The following NNT variants were observed in gnomAD, a reference collection of about 807,000 sequenced individuals.
NNT encodes the protein NAD(P) transhydrogenase, mitochondrial.
In NNT, 50 loss-of-function variants were observed where a neutral mutation model predicts 104.8. The ratio of observed to expected loss-of-function variants is 0.48; its 90% confidence interval spans 0.38 to 0.60. The LOEUF (loss-of-function observed/expected upper bound fraction) is 0.60. NNT is among the 20% of genes least tolerant of loss of function. NNT has a pLI of 0.00. For missense variants in NNT, 1,131 were observed against 1,330.7 expected, an observed-to-expected ratio of 0.85 and a Z score of 2.33; for synonymous variants, 461 against 490.4, an observed-to-expected ratio of 0.94 and a Z score of 0.79.
chr5:43,703,690 T>G (rs961999272), intron 21 of NNT, among the ~76,000 whole-genome samples: 1 of 152,184 alleles, frequency 6.6e-6, no homozygotes, highest in Non-Finnish European at 1.5e-5. Flanking sequence ...ATATCAATAT[T>G]ATAGATTGAC....
At chr5:43,651,531 T>C (rs1245352559) in intron 12 of NNT, among the ~76,000 whole-genome samples, 4 of 151,902 alleles carry the variant, frequency 2.6e-5, no homozygotes, top group African/African-American at 9.7e-5. Context: ...TGAGCCAAGA[T>C]CGTGTCACTG....
At chr5:43,654,944 C>G (rs1254988490) in intron 14 of NNT, among the ~76,000 whole-genome samples, 3 of 152,142 alleles carry the variant, frequency 2.0e-5, no homozygotes, top group African/African-American at 7.2e-5. Flanking sequence ...TAGACATGAT[C>G]TTAGCAAATA....
rs376950823 is a variant in NNT at position 43,677,818 on chromosome 5, CA to C, written c.2876+13del. 2.1e-5 allele frequency: 34 copies of C among 1,601,230 alleles called. No individual in the cohort carries two copies. The highest frequency in any genetic ancestry group is 1.9e-4 in the African/African-American group (14 of 74,712). On this transcript the variant is annotated intron_variant, in intron 19 of 21. Coordinates refer to ENST00000344920, the MANE Select transcript of NNT (RefSeq NM_182977.3). Reference sequence around the variant, plus strand: ...GGCAAAAAAGTCAGGTAAGCGTTTGCAGTGGAGAGGCTTGCACTATGTGTAA... The same window carrying C: ...GGCAAAAAAGTCAGGTAAGCGTTTGCGTGGAGAGGCTTGCACTATGTGTAA...
At chr5:43,626,693 G>T (rs929029822) in intron 6 of NNT, among the ~76,000 whole-genome samples, 3 of 151,388 alleles carry the variant, frequency 2.0e-5, no homozygotes, top group Non-Finnish European at 4.4e-5. Context: ...CTATCAGCCA[G>T]ATATAATTGC....
Position 43,677,756 on chromosome 5 carries a change from C to T in NNT, c.2826C>T (p.Tyr942=), listed in dbSNP as rs752453218. The T allele has an allele frequency of 7.4e-6, 12 of 1,613,540 alleles. No homozygotes were observed. In the East Asian group the frequency reaches 2.7e-4, roughly 36 times the overall value. The change falls in exon 19 of 22, where the codon TAC becomes TAT. Residue 942 remains tyrosine, a synonymous_variant. Coordinates refer to ENST00000344920, the MANE Select transcript of NNT (RefSeq NM_182977.3). ...GTCTCTGTGCAGCCAAAGCTCAATA[C>T]CCCATTGCTGATTTGGTAAAGATGC... ...GYGLCAAKAQ[Y]PIADLVKMLT...
At chr5:43,629,780 G>A (rs1271250147) in intron 7 of NNT, among the ~76,000 whole-genome samples, 2 of 152,062 alleles carry the variant, frequency 1.3e-5, no homozygotes, top group Non-Finnish European at 2.9e-5. Flanking sequence ...ATCTTCTTTT[G>A]ATAATTGTCT....
At chr5:43,652,989 A>C (rs755294374) in intron 13 of NNT, 29 bp from the exon 14 acceptor site, 2 of 1,566,700 alleles carry the variant, frequency 1.3e-6, no homozygotes, top group East Asian at 4.5e-5. Flanking sequence ...AGGTTTTAAT[A>C]ATCTCTCTCT....
Position 43,612,991 on chromosome 5 carries a change from G to A in NNT, c.235G>A (p.Val79Ile), listed in dbSNP as rs779012961. The A allele has an allele frequency of 9.9e-6, 16 of 1,614,020 alleles. No individual in the cohort carries two copies. Among genetic ancestry groups the A allele is most frequent in the Non-Finnish European group, 1.4e-5 (16 of 1,180,016 alleles). The change falls in exon 3 of 22, where the codon GTT becomes ATT. Residue 79 changes from valine to isoleucine, a missense_variant. Val to Ile is a conservative substitution (Grantham distance 29). Transcript: ENST00000344920. ...EKRVALSPAG[V>I]QNLVKQGFNV... ...GCGAGTGGCATTGTCTCCTGCTGGTGTTCAGAACTTGGTCAAGCAGGGTTT... is the reference window on the plus strand; with the variant it reads ...GCGAGTGGCATTGTCTCCTGCTGGTATTCAGAACTTGGTCAAGCAGGGTTT...
intron 19 of NNT, 94 bp from the exon 20 acceptor site, chr5:43,700,024 CA>C (rs1742766816): frequency 3.4e-6 from 3 of 892,880 alleles, no homozygotes; most frequent in Non-Finnish European, 5.2e-6. Flanking sequence ...GCAGAGGTGC[CA>C]AGAACAAAGT....
intron 16 of NNT, 50 bp downstream of exon 16, chr5:43,656,863 AT>A (rs1216408343): frequency 6.6e-7 from 1 of 1,519,270 alleles, no homozygotes; most frequent in Non-Finnish European, 8.9e-7. Flanking sequence ...AACTGGGAAT[AT>A]TTTGTTAGAT....
chr5:43,702,605 T>C lies in NNT; in HGVS notation c.2996-16T>C, dbSNP rs755935907. The C allele has an allele frequency of 2.0e-6, 3 of 1,491,714 alleles. No homozygotes were observed. Among genetic ancestry groups the C allele is most frequent in the Non-Finnish European group, 2.7e-6 (3 of 1,096,676 alleles). 92.4% of individuals were successfully genotyped at this position (1,491,714 alleles called of 1,614,324 possible). ...ATTTGAGTTTTATATTCTTTCTTTT[T>C]TGTTTTATTATATAGATACTGATTT... On this transcript the variant is annotated splice_polypyrimidine_tract_variant and intron_variant, in intron 20 of 21. Transcript: ENST00000344920.
chr5:43,670,771 G>A (rs1741022283), intron 17 of NNT, among the ~76,000 whole-genome samples: 1 of 152,206 alleles, frequency 6.6e-6, no homozygotes, highest in African/African-American at 2.4e-5. Context: ...GATTTGGGGT[G>A]GAGACATTCT....
At chr5:43,645,614 G>GAT (rs1739352047) in intron 10 of NNT, 104 bp downstream of exon 10, 2 of 367,962 alleles carry the variant, frequency 5.4e-6, no homozygotes, top group Non-Finnish European at 7.7e-6. Context: ...CGTATATATA[G>GAT]ATATATATAC....
intron 7 of NNT, among the ~76,000 whole-genome samples, chr5:43,634,078 T>G (rs984411394): frequency 6.6e-6 from 1 of 152,198 alleles, no homozygotes; most frequent in Non-Finnish European, 1.5e-5. Context: ...CAATCCAGAT[T>G]AGGGTGGCCA....
intron 17 of NNT, among the ~76,000 whole-genome samples, chr5:43,660,872 G>C (rs1241388839): frequency 1.3e-5 from 2 of 152,078 alleles, no homozygotes; most frequent in South Asian, 4.2e-4. Context: ...ATTACAATTC[G>C]ACATGAGATT....
At chr5:43,623,231 C>T (rs528426853) in intron 5 of NNT, among the ~76,000 whole-genome samples, 1 of 152,272 alleles carries the variant, frequency 6.6e-6, no homozygotes, top group Non-Finnish European at 1.5e-5. Flanking sequence ...AATTTGTAAG[C>T]TTCACTGATT....
At chr5:43,634,989 T>C (rs1750860178) in intron 7 of NNT, among the ~76,000 whole-genome samples, 2 of 152,196 alleles carry the variant, frequency 1.3e-5, no homozygotes, top group Non-Finnish European at 2.9e-5. Flanking sequence ...TTCCCTGGGT[T>C]GTAAAGGATT....
intron 17 of NNT, among the ~76,000 whole-genome samples, chr5:43,667,942 C>G (rs941518811): frequency 6.6e-6 from 1 of 152,190 alleles, no homozygotes; most frequent in African/African-American, 2.4e-5. Flanking sequence ...TGTTTCCTGA[C>G]TTTTTACTGA....
chr5:43,670,940 G>C lies in NNT; in HGVS notation c.2635-4571G>C, dbSNP rs547932701. ...TCTAAGTCTCTTTGTAGGTCTCTAA[G>C]GACTTGCTTTATGAATCCGGGTGCC... On this transcript the variant is annotated intron_variant, in intron 17 of 21. Transcript: ENST00000344920. 2.0e-5 allele frequency among the ~76,000 whole-genome samples: 3 copies of C among 152,292 alleles called. No individual in the cohort carries two copies. The South Asian group carries it at 6.2e-4, about 32-fold the overall frequency.
Sources: allele counts gnomAD v4.1 joint callset (sites outside exome capture counted in the v4.1 genomes callset), GRCh38; gene constraint gnomAD v4.1.1; transcripts MANE v1.5; gene names NCBI Gene and HGNC (gene_info 2026-07-23, HGNC 2026-07-21).